The following URI1 variants were observed in gnomAD, a reference collection of about 807,000 sequenced individuals.
URI1 encodes URI1 prefoldin like chaperone, also known as unconventional prefoldin RPB5 interactor 1.
In URI1, 39 loss-of-function variants were observed where a neutral mutation model predicts 60.2. That is an observed-to-expected ratio of 0.65 (90% CI 0.50 to 0.85). The LOEUF is 0.85. Among genes scored for constraint, URI1 ranks in the 40% least tolerant of loss-of-function variants. The probability of loss-of-function intolerance (pLI) is 0.00; values close to 1 mark genes in which losing one functional copy is unlikely to be tolerated. For missense variants in URI1, 691 were observed against 665.9 expected (o/e 1.04, Z -0.42); for synonymous variants, 251 against 236.8 (o/e 1.06, Z -0.55).
At position 29,985,279 on chromosome 19, in the gene URI1, A is replaced by T; in HGVS notation, c.209A>T (p.Asp70Val). ...ALRERLSTLP[D>V]KLSYNIMVPF... ...CGAGAAAGACTCAGCACCTTGCCTG[A>T]TAAATTGTCTTATAATATAATGGTA... Residue 70 changes from aspartate to valine, a missense_variant, in exon 3 of 11, where the codon GAT becomes GTT. Physicochemically the swap from Asp to Val is radical, Grantham distance 152. Transcript: ENST00000392271. 6.2e-7 allele frequency: 1 copy of T among 1,610,242 alleles called. No individual in the cohort carries two copies. The highest frequency in any genetic ancestry group is 8.5e-7 in the Non-Finnish European group (1 of 1,177,724).
At chr19:30,003,564 C>CA (rs1014067775) in intron 4 of URI1, among the ~76,000 whole-genome samples, 2 of 151,952 alleles carry the variant, frequency 1.3e-5, no homozygotes, top group Non-Finnish European at 2.9e-5. Flanking sequence ...ACCCTATTTC[C>CA]AAAACACTTT....
chr19:29,942,524 C>A lies in URI1; in HGVS notation c.-24C>A. ...AGGCGCTGGTTCAGGACTCACACGCCGCGCTGAGGCCCGCGGGCCCGTCAT... is the reference window on the plus strand; with the variant it reads ...AGGCGCTGGTTCAGGACTCACACGCAGCGCTGAGGCCCGCGGGCCCGTCAT... On this transcript the variant is annotated 5_prime_UTR_variant, in exon 1 of 11. Coordinates refer to ENST00000392271, the MANE Select transcript of URI1 (RefSeq NM_003796.3). 1 of 1,360,970 alleles carries A rather than the reference C, an allele frequency of 7.3e-7. No homozygotes were observed. The highest frequency in any genetic ancestry group is 9.5e-7 in the Non-Finnish European group (1 of 1,055,824). 84.3% of individuals were successfully genotyped at this position (1,360,970 alleles called of 1,614,324 possible). A position where few individuals can be genotyped will look rare whatever the true frequency, so the allele number is the denominator to read the frequency against.
intron 1 of URI1, among the ~76,000 whole-genome samples, 163 bp downstream of exon 1, chr19:29,942,827 T>G (rs1254434347): frequency 6.6e-6 from 1 of 152,164 alleles, no homozygotes; most frequent in African/African-American, 2.4e-5. Flanking sequence ...CTGCAGCCCT[T>G]TGACTTCGCA....
chr19:29,928,577 G>A (rs2054890265), intron 1 of URI1, among the ~76,000 whole-genome samples: 1 of 152,140 alleles, frequency 6.6e-6, no homozygotes, highest in Non-Finnish European at 1.5e-5. Context: ...CCTGATGCTT[G>A]TTTATTTTCA....
At chr19:29,996,752 C>G (rs1290756042) in intron 4 of URI1, among the ~76,000 whole-genome samples, 1 of 151,220 alleles carries the variant, frequency 6.6e-6, no homozygotes, top group Non-Finnish European at 1.5e-5. Context: ...TCATATATGG[C>G]CTTTATTATG....
intron 1 of URI1, among the ~76,000 whole-genome samples, chr19:29,969,910 G>A (rs1024809831): frequency 4.6e-5 from 7 of 152,066 alleles, no homozygotes; most frequent in Non-Finnish European, 2.9e-5. Flanking sequence ...GTTATTAAGT[G>A]TTGCTATGTG....
chr19:29,965,148 A>T (rs1334651778), intron 1 of URI1, among the ~76,000 whole-genome samples: 1 of 152,074 alleles, frequency 6.6e-6, no homozygotes. Context: ...TGCAGATCCT[A>T]TAGTGGTCTT....
chr19:29,998,631 C>A (rs139249225), intron 4 of URI1, among the ~76,000 whole-genome samples: 9 of 152,150 alleles, frequency 5.9e-5, no homozygotes, highest in African/African-American at 2.2e-4. Context: ...TACTTCATTT[C>A]TTTTTTGGTT....
intron 1 of URI1, among the ~76,000 whole-genome samples, chr19:29,966,298 C>T (rs918923390): frequency 1.9e-4 from 29 of 152,030 alleles, no homozygotes; most frequent in African/African-American, 6.8e-4. Flanking sequence ...ACCACCACAC[C>T]TGGCTAATTT....
intron 4 of URI1, 26 bp from the exon 5 acceptor site, chr19:30,005,335 C>T: frequency 2.2e-6 from 3 of 1,360,746 alleles, no homozygotes; most frequent in South Asian, 1.3e-5. Context: ...CCATGCTTTA[C>T]ATAATGGTTG....
intron 1 of URI1, among the ~76,000 whole-genome samples, chr19:29,949,957 T>C (rs1190177049): frequency 6.7e-6 from 1 of 149,984 alleles, no homozygotes; most frequent in Non-Finnish European, 1.5e-5. Flanking sequence ...AGGGAGAGGT[T>C]ACTTATTTTT....
chr19:29,963,022 G>C (rs573229709), intron 1 of URI1, among the ~76,000 whole-genome samples: 3 of 151,970 alleles, frequency 2.0e-5, no homozygotes, highest in Non-Finnish European at 4.4e-5. Flanking sequence ...TGCCTCCTCC[G>C]CCTACCCCCA....
At chr19:30,001,054 A>G (rs148542900) in intron 4 of URI1, among the ~76,000 whole-genome samples, 275 of 151,560 alleles carry the variant, frequency 1.8e-3, no homozygotes, top group Non-Finnish European at 3.0e-3. Flanking sequence ...GTCTTTTTTT[A>G]AGGAGTATTT....
At position 29,942,607 on chromosome 19, in the gene URI1, T is replaced by C. The variant is rs1300131872; in HGVS notation, c.60T>C (p.Pro20=). The change falls in exon 1 of 11, where the codon CCT becomes CCC. Residue 20 remains proline, a synonymous_variant. Coordinates refer to ENST00000392271, the MANE Select transcript of URI1 (RefSeq NM_003796.3). ...CCTCGCCCCCTTCGGCCCCGGCCCC[T>C]GCCCTGGTTCCGTTGCGCGCCCCGG... ...PDPSPPSAPA[P]ALVPLRAPDV... is the part of the protein sequence containing the mutation. The C allele has an allele frequency of 5.7e-6, 7 of 1,224,960 alleles. No homozygotes were observed. The highest frequency in any genetic ancestry group is 7.3e-6 in the Non-Finnish European group (7 of 953,380). 75.9% of individuals were successfully genotyped at this position (1,224,960 alleles called of 1,614,324 possible).
At chr19:29,986,255 C>G in intron 3 of URI1, 27 bp from the exon 4 acceptor site, 1 of 1,524,936 alleles carries the variant, frequency 6.6e-7, no homozygotes, top group East Asian at 2.5e-5. Flanking sequence ...ATGTTTTTTC[C>G]CTTTTTTCTT....
chr19:29,996,153 C>G (rs1013070210), intron 4 of URI1, among the ~76,000 whole-genome samples: 17 of 151,864 alleles, frequency 1.1e-4, no homozygotes, highest in Non-Finnish European at 2.2e-4. Context: ...AAAAAAATTA[C>G]TGGATTTTAC....
chr19:29,933,716 G>A (rs1210863264), intron 1 of URI1, among the ~76,000 whole-genome samples: 3 of 151,682 alleles, frequency 2.0e-5, no homozygotes, highest in South Asian at 4.2e-4. Flanking sequence ...CAGCTACTCA[G>A]GAGGCCGAGG....
At chr19:29,978,010 C>T (rs939939452) in intron 2 of URI1, among the ~76,000 whole-genome samples, 1 of 152,054 alleles carries the variant, frequency 6.6e-6, no homozygotes, top group Non-Finnish European at 1.5e-5. Flanking sequence ...CCCTTTTATT[C>T]CCTCTAGCTT....
intron 1 of URI1, among the ~76,000 whole-genome samples, chr19:29,924,715 T>G (rs1462896883): frequency 6.6e-6 from 1 of 152,258 alleles, no homozygotes; most frequent in Non-Finnish European, 1.5e-5. Context: ...AGCAGCACAC[T>G]GACCAGACCA....
Sources: allele counts gnomAD v4.1 joint callset (sites outside exome capture counted in the v4.1 genomes callset), GRCh38; gene constraint gnomAD v4.1.1; transcripts MANE v1.5; gene names NCBI Gene and HGNC (gene_info 2026-07-23, HGNC 2026-07-21).